TCP11L1: variants seen among roughly 807,000 people sequenced by gnomAD.
TCP11L1 encodes T-complex protein 11-like protein 1.
A neutral mutation model predicts 48.9 loss-of-function variants in TCP11L1; 28 were observed. The ratio of observed to expected loss-of-function variants is 0.57; its 90% CI spans 0.42 to 0.78. The LOEUF (loss-of-function observed/expected upper bound fraction) is 0.78, where lower values mean the gene tolerates loss of function less well. TCP11L1 is among the 30% of genes least tolerant of loss of function. TCP11L1 has a pLI of 0.00. For missense variants in TCP11L1, 505 were observed against 613.4 expected (o/e 0.82, Z 1.87); for synonymous variants, 204 against 231.9 (o/e 0.88, Z 1.09).
chr11:33,053,257 G>T (rs111511654), intron 2 of TCP11L1, among the ~76,000 whole-genome samples: 22,893 of 149,706 alleles, frequency 0.15, 1,889 homozygotes, highest in East Asian at 0.3. Context: ...CAATCCTTTC[G>T]CCTCAGCCTC....
At chr11:33,048,184 A>ATTT (rs35718306) in intron 2 of TCP11L1, among the ~76,000 whole-genome samples, 58,642 of 148,102 alleles carry the variant, frequency 0.4, 11,477 homozygotes, top group East Asian at 0.45. Context: ...GTATCTTTAC[A>ATTT]TTTTTTTTTT....
rs1064005 is a variant in TCP11L1, at chr11:33,043,848, C to T, written c.75C>T (p.Leu25=). 638,238 of 1,612,542 alleles carry T rather than the reference C, an allele frequency of 0.4. 128,077 individuals are homozygous for T. Among genetic ancestry groups the T allele is most frequent in the African/African-American group, 0.46 (34,648 of 74,810 alleles). Residue 25 remains leucine, a synonymous_variant, in exon 2 of 10, where the codon CTC becomes CTT. Transcript: ENST00000334274. ...KSKSNDSEEG[L]EDAVEGADEA... ...AATCCAATGATTCTGAGGAAGGCCT[C>T]GAAGATGCTGTGGAAGGTGCTGATG...
At chr11:33,060,196 G>A (rs940861874) in intron 6 of TCP11L1, among the ~76,000 whole-genome samples, 1 of 151,994 alleles carries the variant, frequency 6.6e-6, no homozygotes, top group Admixed American at 6.6e-5. Flanking sequence ...TGCAACCTCC[G>A]CTAGGCAGAG....
intron 9 of TCP11L1, 45 bp downstream of exon 9, chr11:33,068,904 G>T: frequency 6.3e-7 from 1 of 1,588,646 alleles, no homozygotes. Context: ...CCTCTGAGGG[G>T]CTGGAGCACG....
chr11:33,058,906 T>C, intron 5 of TCP11L1, 53 bp from the exon 6 acceptor site: 2 of 1,594,652 alleles, frequency 1.3e-6, no homozygotes, highest in South Asian at 2.2e-5. Flanking sequence ...TCTTTTCCTT[T>C]AATGCTATGT....
At position 33,073,368 on chromosome 11, in the gene TCP11L1, GT is replaced by G. The variant is rs2133757267; in HGVS notation, c.*694del. 6.6e-6 allele frequency: 1 copy of G among 151,600 alleles called. No homozygotes were observed. Among genetic ancestry groups the G allele is most frequent in the East Asian group, 1.9e-4 (1 of 5,176 alleles). The allele number at this position is 151,600 out of a possible 1,614,324, so 9.4% of individuals were successfully genotyped here. A position where few individuals can be genotyped will look rare whatever the true frequency, so the allele number is the denominator to read the frequency against. On this transcript the variant is annotated 3_prime_UTR_variant, in exon 10 of 10. Transcript: ENST00000334274. ...TTATACAAAATTACTCCTGCATCTG[GT>G]TGAGAGCAGTTATGACTTATGAGAT...
At chr11:33,055,401 G>A (rs1227219718) in intron 3 of TCP11L1, among the ~76,000 whole-genome samples, 1 of 152,182 alleles carries the variant, frequency 6.6e-6, no homozygotes, top group South Asian at 2.1e-4. Flanking sequence ...CCTGGCAAGA[G>A]CAAAAAGTTT....
intron 7 of TCP11L1, among the ~76,000 whole-genome samples, 180 bp from the exon 8 acceptor site, chr11:33,065,650 T>A (rs1004236424): frequency 6.6e-6 from 1 of 152,166 alleles, no homozygotes; most frequent in Non-Finnish European, 1.5e-5. Context: ...GCATCCTTGC[T>A]CAGGAGGAAC....
At chr11:33,052,761 CA>C (rs1267107746) in intron 2 of TCP11L1, among the ~76,000 whole-genome samples, 1 of 152,110 alleles carries the variant, frequency 6.6e-6, no homozygotes, top group African/African-American at 2.4e-5. Context: ...GAGGCTGAGG[CA>C]GGCGGATCAC....
Position 33,068,949 on chromosome 11 carries a change from G to A in TCP11L1, c.1327+90G>A, listed in dbSNP as rs1483283891. The A allele has an allele frequency of 2.0e-6, 3 of 1,487,152 alleles. No individual in the cohort carries two copies. In the East Asian group the frequency reaches 7.1e-5, roughly 35 times the overall value. 92.1% of individuals were successfully genotyped at this position (1,487,152 alleles called of 1,614,324 possible). A position where few individuals can be genotyped will look rare whatever the true frequency, so the allele number is the denominator to read the frequency against. On this transcript the variant is annotated intron_variant, in intron 9 of 9. Coordinates refer to ENST00000334274, the MANE Select transcript of TCP11L1 (RefSeq NM_018393.4). ...GAAGAAACCTGAGGGCTCAGCTGGA[G>A]TTAAGGTGCTGATGGGTGAGGAGAT...
intron 8 of TCP11L1, among the ~76,000 whole-genome samples, chr11:33,066,701 G>C (rs557071982): frequency 6.6e-6 from 1 of 152,056 alleles, no homozygotes; most frequent in African/African-American, 2.4e-5. Context: ...GACCTCCAAG[G>C]TTCTTGTGTT....
At chr11:33,040,110 C>CTTT (rs72407403) in intron 1 of TCP11L1, 59,367 of 149,638 alleles carry the variant, frequency 0.4, 11,932 homozygotes, top group African/African-American at 0.45. Flanking sequence ...GACAGAGCCC[C>CTTT]TTTTTTCTTT....
chr11:33,069,952 G>C (rs1361319475), intron 9 of TCP11L1, among the ~76,000 whole-genome samples: 1 of 152,116 alleles, frequency 6.6e-6, no homozygotes, highest in Admixed American at 6.6e-5. Flanking sequence ...GAAAGTGCCT[G>C]TAAGTAGACC....
intron 1 of TCP11L1, among the ~76,000 whole-genome samples, chr11:33,041,478 C>G (rs1853830308): frequency 6.6e-6 from 1 of 152,182 alleles, no homozygotes; most frequent in Non-Finnish European, 1.5e-5. Flanking sequence ...GGGCCAGGTG[C>G]AGTGGCTCAC....
chr11:33,041,299 T>G (rs10836015), intron 1 of TCP11L1: 23,081 of 152,258 alleles, frequency 0.15, 1,910 homozygotes, highest in East Asian at 0.29. Flanking sequence ...TGTTTGTCGT[T>G]TCTCACAGAA....
chr11:33,049,002 A>G (rs1029723194), intron 2 of TCP11L1, among the ~76,000 whole-genome samples: 16 of 152,338 alleles, frequency 1.1e-4, no homozygotes, highest in Middle Eastern at 3.4e-3. Context: ...CTATAATCCC[A>G]GCACTTTGGG....
intron 5 of TCP11L1, 150 bp downstream of exon 5, chr11:33,058,289 C>G: frequency 2.7e-6 from 2 of 730,590 alleles, no homozygotes; most frequent in South Asian, 4.0e-5. Context: ...ACCTCCACCT[C>G]CTGGATTCAA....
At chr11:33,040,630 T>G (rs1464111060) in intron 1 of TCP11L1, 1 of 152,162 alleles carries the variant, frequency 6.6e-6, no homozygotes, top group African/African-American at 2.4e-5. Context: ...GAAATCTAGG[T>G]GGGGAATTTT....
At chr11:33,069,694 C>A (rs116238791) in intron 9 of TCP11L1, among the ~76,000 whole-genome samples, 2,005 of 152,230 alleles carry the variant, frequency 0.013, 48 homozygotes, top group African/African-American at 0.044. Context: ...TGTGCTCCAC[C>A]TCCCAGGCTC....
Sources: gnomAD v4.1 joint callset for allele counts (sites outside exome capture counted in the v4.1 genomes callset) on GRCh38, gnomAD v4.1.1 for gene constraint, MANE v1.5 for transcripts, NCBI Gene and HGNC (gene_info 2026-07-23, HGNC 2026-07-21) for gene names.